Variants in DMD observed in about 807,000 individuals in gnomAD.
DMD encodes dystrophin.
DMD carries 63 observed loss-of-function variants against 330.1 expected under a neutral mutation model. That is an observed-to-expected ratio of 0.19 (90% CI 0.16 to 0.24). DMD has a LOEUF of 0.24. Ranked by LOEUF, DMD falls within the 10% of genes least tolerant of loss-of-function variation. The pLI is 1.00. For synonymous variants in DMD, 1,223 were observed against 959.8 expected (o/e 1.27, Z -5.07); for missense variants, 3,344 against 2,684.1 (o/e 1.25, Z -5.43).
intron 44 of DMD, among the ~76,000 whole-genome samples, chrX:32,116,721 G>A (rs2096612375): frequency 8.9e-6 from 1 of 112,282 alleles, no homozygotes. Context: ...AGTGACTCCT[G>A]TCACCAGAGA....
At position 31,178,576 on chromosome X, in the gene DMD, CTG is replaced by C; in HGVS notation, c.10223+91_10223+92del. On this transcript the variant is annotated intron_variant, in intron 70 of 78. Transcript: ENST00000357033. Reference sequence around the variant, plus strand: ...AATAAAAAGAAAGAAATAGAAGAGACTGTTTGCATTTGGGAGTGAAGGAGGGT... The same window carrying C: ...AATAAAAAGAAAGAAATAGAAGAGACTTTGCATTTGGGAGTGAAGGAGGGT... The C allele has an allele frequency of 3.6e-6, 4 of 1,099,363 alleles. No homozygotes were observed. In the East Asian group the frequency reaches 1.2e-4, roughly 34 times the overall value. The allele number at this position is 1,099,363 out of a possible 1,213,427, so 90.6% of individuals were successfully genotyped here.
intron 7 of DMD, among the ~76,000 whole-genome samples, chrX:32,790,549 T>C (rs1603423071): frequency 9.0e-6 from 1 of 111,619 alleles, no homozygotes. Context: ...GTCTATGTCC[T>C]GACCTAGGAC....
intron 57 of DMD, among the ~76,000 whole-genome samples, chrX:31,490,899 C>G (rs1458916704): frequency 2.7e-5 from 3 of 112,374 alleles, no homozygotes; most frequent in Non-Finnish European, 5.6e-5. Flanking sequence ...GTGGTGACTT[C>G]TGAAGAAATC....
At chrX:32,136,932 C>T (rs181822430) in intron 44 of DMD, among the ~76,000 whole-genome samples, 2 of 110,498 alleles carry the variant, frequency 1.8e-5, no homozygotes, top group South Asian at 3.8e-4. Context: ...GTGGGTGCAG[C>T]GCACCAGCAT....
At chrX:31,664,368 C>T (rs1172599096) in intron 53 of DMD, among the ~76,000 whole-genome samples, 2 of 111,326 alleles carry the variant, frequency 1.8e-5, no homozygotes, top group Non-Finnish European at 3.8e-5. Flanking sequence ...AAATAGTTAA[C>T]TGATTCAGTT....
intron 62 of DMD, among the ~76,000 whole-genome samples, chrX:31,264,974 C>T (rs1275801865): frequency 8.9e-6 from 1 of 112,738 alleles, no homozygotes; most frequent in Non-Finnish European, 1.9e-5. Flanking sequence ...ATATCTACTG[C>T]TGTGGCTGGG....
rs1569564803 is a variant in DMD, at chrX:32,491,481, T to A, written c.2418A>T (p.Glu806Asp). The A allele has an allele frequency of 3.3e-6, 4 of 1,211,031 alleles. No homozygotes were observed. The highest frequency in any genetic ancestry group is 2.2e-5 in the Admixed American group (1 of 45,996). Residue 806 changes from glutamate (E) to aspartate (D), a missense_variant, in exon 20 of 79, where the codon GAA becomes GAT. Transcript: ENST00000357033. ...ATTCGATCCACCGGCTGTTCAGTTGTTCTGAGGCTTGTTTGATGCTATCTG... is the reference window on the plus strand; with the variant it reads ...ATTCGATCCACCGGCTGTTCAGTTGATCTGAGGCTTGTTTGATGCTATCTG... ...VNADSIKQAS[E>D]QLNSRWIEFC...
chrX:31,386,972 C>T (rs753148484), intron 60 of DMD, among the ~76,000 whole-genome samples: 5 of 111,516 alleles, frequency 4.5e-5, no homozygotes, highest in African/African-American at 6.5e-5. Flanking sequence ...CTCTTTTTTG[C>T]GTAATGTTTG....
intron 29 of DMD, among the ~76,000 whole-genome samples, chrX:32,422,588 A>T (rs887752719): frequency 2.7e-5 from 3 of 111,928 alleles, no homozygotes; most frequent in African/African-American, 9.7e-5. Context: ...AGTGAGGTAG[A>T]AACAGTAAGG....
At chrX:32,405,827 A>G (rs960675509) in intron 30 of DMD, among the ~76,000 whole-genome samples, 20 of 111,746 alleles carry the variant, frequency 1.8e-4, no homozygotes, top group Non-Finnish European at 3.0e-4. Context: ...CATTGAATCT[A>G]TAAATTACCT....
chrX:31,268,188 G>A, intron 62 of DMD, among the ~76,000 whole-genome samples: 1 of 111,901 alleles, frequency 8.9e-6, no homozygotes, highest in East Asian at 2.8e-4. Context: ...ACCATATCCG[G>A]CTTCTTTTGA....
At chrX:31,361,894 C>A (rs964123089) in intron 60 of DMD, among the ~76,000 whole-genome samples, 1 of 109,862 alleles carries the variant, frequency 9.1e-6, no homozygotes, top group Non-Finnish European at 1.9e-5. Context: ...CTCAGCCTCC[C>A]GAGTACCCGG....
intron 60 of DMD, among the ~76,000 whole-genome samples, chrX:31,425,695 T>TACACACACACACACAC (rs58343053): frequency 4.8e-5 from 5 of 103,594 alleles, no homozygotes; most frequent in African/African-American, 1.9e-4. Flanking sequence ...CAGGCATGAG[T>TACACACACACACACAC]ACACACACAC....
intron 2 of DMD, among the ~76,000 whole-genome samples, chrX:32,950,176 A>G (rs1332199873): frequency 3.6e-5 from 4 of 110,982 alleles, no homozygotes; most frequent in Non-Finnish European, 3.8e-5. Flanking sequence ...AATATGTAGT[A>G]GTAGTAGTAG....
At chrX:32,181,289 C>T (rs920109866) in intron 44 of DMD, among the ~76,000 whole-genome samples, 1 of 111,708 alleles carries the variant, frequency 9.0e-6, no homozygotes, top group Admixed American at 9.5e-5. Context: ...GACGAGGAAG[C>T]TGTTGTTCTT....
chrX:32,249,611 T>C (rs1020349297), intron 43 of DMD, among the ~76,000 whole-genome samples: 1 of 111,475 alleles, frequency 9.0e-6, no homozygotes, highest in Non-Finnish European at 1.9e-5. Context: ...CAATCAGAGA[T>C]TGATGGAGCC....
chrX:32,554,416 G>A (rs752546888), intron 16 of DMD, among the ~76,000 whole-genome samples: 88 of 110,866 alleles, frequency 7.9e-4, no homozygotes, highest in African/African-American at 2.6e-3. Context: ...TAAACACAAT[G>A]AAAAATTTGA....
At chrX:31,336,207 C>T (rs1172931156) in intron 61 of DMD, among the ~76,000 whole-genome samples, 1 of 112,552 alleles carries the variant, frequency 8.9e-6, no homozygotes, top group Admixed American at 9.4e-5. Context: ...ACTTTCATTA[C>T]CACAAATTGT....
chrX:32,497,493 G>C (rs934655137), intron 19 of DMD, among the ~76,000 whole-genome samples: 1 of 112,053 alleles, frequency 8.9e-6, no homozygotes, highest in Non-Finnish European at 1.9e-5. Context: ...CATAATTATA[G>C]TATCTCCTCT....
Sources: allele counts gnomAD v4.1 joint callset (sites outside exome capture counted in the v4.1 genomes callset), GRCh38; gene constraint gnomAD v4.1.1; transcripts MANE v1.5; gene names NCBI Gene and HGNC (gene_info 2026-07-23, HGNC 2026-07-21).